BCL9: variants seen among roughly 807,000 people sequenced by gnomAD.
The protein encoded by BCL9 is BCL9 transcription coactivator.
Under a neutral mutation model 88.5 loss-of-function variants are expected in BCL9, and 25 were observed. The ratio of observed to expected loss-of-function variants is 0.28; its 90% CI spans 0.21 to 0.39. BCL9 has a LOEUF of 0.39. Ranked by LOEUF, BCL9 falls within the 10% of genes least tolerant of loss-of-function variation. The probability of loss-of-function intolerance (pLI) is 1.00; values close to 1 mark genes in which losing one functional copy is unlikely to be tolerated. For missense variants in BCL9, 1,817 were observed against 1,877.8 expected (o/e 0.97, Z 0.60); for synonymous variants, 711 against 673.3 (o/e 1.06, Z -0.87).
At chr1:147,621,499 A>G (rs1206431474) in intron 8 of BCL9, among the ~76,000 whole-genome samples, 1 of 152,192 alleles carries the variant, frequency 6.6e-6, no homozygotes, top group Non-Finnish European at 1.5e-5. Flanking sequence ...ATACCTGTTG[A>G]CCACAGAAAC....
intron 7 of BCL9, among the ~76,000 whole-genome samples, 182 bp downstream of exon 7, chr1:147,616,084 G>A (rs892747006): frequency 6.6e-6 from 1 of 152,176 alleles, no homozygotes; most frequent in African/African-American, 2.4e-5. Context: ...CCTTTTCTAC[G>A]AGAAAGCTGG....
Position 147,624,906 on chromosome 1 carries a change from G to T in BCL9, c.4228G>T (p.Gly1410Cys). ...GCCCCGGGGCATGGCTGCTGACGTGGGCATGGGTGGATTTAGCCAAGGACC... is the reference window on the plus strand; with the variant it reads ...GCCCCGGGGCATGGCTGCTGACGTGTGCATGGGTGGATTTAGCCAAGGACC... ...MRPRGMAADV[G>C]MGGFSQGPGN... The change falls in exon 10 of 10, where the codon GGC becomes TGC. Residue 1410 changes from glycine (G) to cysteine (C), a missense_variant. Transcript: ENST00000234739. This position sits in a 1 kb window ranked among gnomAD's most constrained non-coding sequence, Gnocchi z 4.4. The T allele has an allele frequency of 6.2e-7, 1 of 1,613,610 alleles. No homozygotes were observed. Among genetic ancestry groups the T allele is most frequent in the Non-Finnish European group, 8.5e-7 (1 of 1,179,572 alleles).
intron 1 of BCL9, among the ~76,000 whole-genome samples, chr1:147,543,746 G>C (rs1654433547): frequency 6.6e-6 from 1 of 152,158 alleles, no homozygotes; most frequent in African/African-American, 2.4e-5. Flanking sequence ...GATAAGCACT[G>C]ATCTGAGGCG....
intron 1 of BCL9, among the ~76,000 whole-genome samples, chr1:147,592,999 G>A (rs781801494): frequency 3.2e-4 from 49 of 152,220 alleles, no homozygotes; most frequent in Admixed American, 2.0e-3. Flanking sequence ...TGAATCACGC[G>A]TCTCCCCTTG....
intron 7 of BCL9, among the ~76,000 whole-genome samples, chr1:147,616,573 C>T (rs141753370): frequency 6.6e-6 from 1 of 152,206 alleles, no homozygotes; most frequent in East Asian, 1.9e-4. Flanking sequence ...TGAGACCATC[C>T]TGGCTAACCC....
At position 147,584,765 on chromosome 1, in the gene BCL9, C is replaced by T. The variant is rs1443682757; in HGVS notation, c.-477-20012C>T. 3.3e-5 allele frequency among the ~76,000 whole-genome samples: 5 copies of T among 152,208 alleles called. No homozygotes were observed. The East Asian group carries it at 9.6e-4, about 29-fold the overall frequency. The stretch of plus-strand genomic sequence containing the variant: ...TCTTTTGGTCAATTTGTCAGGAATG[C>T]AGTAGAAGTTTAGCTCCTAAAGTAC... On this transcript the variant is annotated intron_variant, in intron 1 of 9. Transcript: ENST00000234739.
At chr1:147,588,598 G>T (rs587672141) in intron 1 of BCL9, among the ~76,000 whole-genome samples, 1 of 152,096 alleles carries the variant, frequency 6.6e-6, no homozygotes, top group Non-Finnish European at 1.5e-5. Context: ...TCCATGGGGC[G>T]GGGTGGGGCG....
At chr1:147,578,699 A>G (rs2101545042) in intron 1 of BCL9, among the ~76,000 whole-genome samples, 1 of 152,298 alleles carries the variant, frequency 6.6e-6, no homozygotes, top group Non-Finnish European at 1.5e-5. Flanking sequence ...GACTAACTCT[A>G]TTCAAACTTT....
intron 1 of BCL9, among the ~76,000 whole-genome samples, chr1:147,586,477 T>C (rs1553199225): frequency 6.6e-6 from 1 of 152,204 alleles, no homozygotes; most frequent in Non-Finnish European, 1.5e-5. Flanking sequence ...ATTCTTATCC[T>C]GCACTCAGAG....
intron 1 of BCL9, among the ~76,000 whole-genome samples, chr1:147,564,918 T>A (rs587596277): frequency 6.5e-4 from 99 of 152,268 alleles, no homozygotes; most frequent in Middle Eastern, 3.4e-3. Context: ...AAATTTAAAT[T>A]AATAAATAAA....
rs142120492 is a variant in BCL9, at chr1:147,564,193, G to A, written c.-478+22519G>A. Among the ~76,000 whole-genome samples the A allele has an allele frequency of 4.6e-3, 703 of 152,222 alleles. 5 individuals are homozygous for A. Among genetic ancestry groups the A allele is most frequent in the Middle Eastern group, 0.01 (3 of 294 alleles). On this transcript the variant is annotated intron_variant, in intron 1 of 9. Coordinates refer to ENST00000234739, the MANE Select transcript of BCL9 (RefSeq NM_004326.4). The stretch of plus-strand genomic sequence containing the variant: ...AAAATGATGCTACTAATGCTCTCTC[G>A]TAGGATTGTTCTGTTGAGTGCAACT...
intron 1 of BCL9, among the ~76,000 whole-genome samples, chr1:147,549,653 G>A (rs937297408): frequency 6.6e-6 from 1 of 152,142 alleles, no homozygotes; most frequent in South Asian, 2.1e-4. Context: ...CTCTAGAAAA[G>A]GGCTTCTGGT....
intron 1 of BCL9, among the ~76,000 whole-genome samples, chr1:147,594,982 A>G (rs1656985483): frequency 6.6e-6 from 1 of 152,188 alleles, no homozygotes; most frequent in African/African-American, 2.4e-5. Context: ...TGGATGGGAG[A>G]AGAGTGAGCA....
intron 1 of BCL9, among the ~76,000 whole-genome samples, chr1:147,577,834 ATGTGTGTGTG>A (rs67428703): frequency 5.0e-5 from 7 of 141,072 alleles, no homozygotes; most frequent in African/African-American, 1.3e-4. Context: ...TTTTCTACCA[ATGTGTGTGTG>A]TGTGTGTGTG....
chr1:147,569,663 A>G (rs1655786300), intron 1 of BCL9, among the ~76,000 whole-genome samples: 1 of 62 alleles, frequency 0.016, no homozygotes, highest in African/African-American at 0.05. Context: ...AAAAAAGAAG[A>G]GAAAAAGAAG....
chr1:147,622,734 G>GT (rs1658708937), intron 9 of BCL9, among the ~76,000 whole-genome samples: 1 of 152,138 alleles, frequency 6.6e-6, no homozygotes, highest in Non-Finnish European at 1.5e-5. Context: ...TTATTTGTTT[G>GT]TAAGAAAGCA....
intron 1 of BCL9, among the ~76,000 whole-genome samples, chr1:147,558,140 C>T (rs73007967): frequency 0.023 from 3,428 of 152,176 alleles, 122 homozygotes; most frequent in African/African-American, 0.078. Context: ...AACCCTTAAA[C>T]TAAGTAATAA....
chr1:147,608,044 T>C (rs1452977147), intron 3 of BCL9, among the ~76,000 whole-genome samples: 1 of 150,858 alleles, frequency 6.6e-6, no homozygotes, highest in East Asian at 1.9e-4. Context: ...CCTGGAGAGG[T>C]GGGAGGAAAG....
At chr1:147,621,654 T>G (rs1164124242) in intron 8 of BCL9, among the ~76,000 whole-genome samples, 1 of 152,134 alleles carries the variant, frequency 6.6e-6, no homozygotes, top group South Asian at 2.1e-4. Context: ...AGTGCCAAGG[T>G]GTAAATACTA....
Sources: gnomAD v4.1 joint callset for allele counts (sites outside exome capture counted in the v4.1 genomes callset) on GRCh38, gnomAD v4.1.1 for gene constraint, Gnocchi (gnomAD v3.1) non-coding constraint, MANE v1.5 for transcripts, NCBI Gene and HGNC (gene_info 2026-07-23, HGNC 2026-07-21) for gene names.